HNF1B: variants seen among roughly 807,000 people sequenced by gnomAD.
The protein encoded by HNF1B is HNF1 homeobox B.
HNF1B carries 8 observed loss-of-function variants against 61.7 expected under a neutral mutation model. The observed-to-expected ratio is 0.13, with a 90% CI of 0.08 to 0.23. The LOEUF is 0.23. Ranked by LOEUF, HNF1B falls within the 10% of genes least tolerant of loss-of-function variation. The pLI, the probability that HNF1B is intolerant of heterozygous loss-of-function variation, is 1.00. For synonymous variants in HNF1B, 314 were observed against 287.7 expected (o/e 1.09, Z -0.93); for missense variants, 562 against 714.5 (o/e 0.79, Z 2.43).
intron 4 of HNF1B, among the ~76,000 whole-genome samples, chr17:37,725,245 C>T (rs960663006): frequency 1.8e-4 from 27 of 152,200 alleles, no homozygotes; most frequent in African/African-American, 4.6e-4. Flanking sequence ...TCACTGGAGG[C>T]GGCAAGGAGT....
chr17:37,732,373 G>A (rs1236284788), intron 3 of HNF1B, among the ~76,000 whole-genome samples: 2 of 152,216 alleles, frequency 1.3e-5, no homozygotes, highest in Non-Finnish European at 2.9e-5. Flanking sequence ...CTTTATCAGG[G>A]CTGGTGAAAC....
Position 37,745,006 on chromosome 17 carries a change from C to T in HNF1B, c.-122G>A. The T allele has an allele frequency of 1.2e-6, 1 of 814,936 alleles. No individual in the cohort carries two copies. The highest frequency in any genetic ancestry group is 2.0e-6 in the Non-Finnish European group (1 of 511,678). The allele number at this position is 814,936 out of a possible 1,614,324, so 50.5% of individuals were successfully genotyped here. On this transcript the variant is annotated 5_prime_UTR_variant, in exon 1 of 9. The change creates a new upstream start codon in the 5' untranslated region. Transcript: ENST00000617811. ...CCCTCCACCCTTCAGCCTCCAGACACCTGTTACTCCCCGGGGTCCCGGAGG... is the reference window on the plus strand; with the variant it reads ...CCCTCCACCCTTCAGCCTCCAGACATCTGTTACTCCCCGGGGTCCCGGAGG...
chr17:37,694,053 C>T (rs1030282304), intron 8 of HNF1B, among the ~76,000 whole-genome samples: 4 of 152,312 alleles, frequency 2.6e-5, no homozygotes, highest in Middle Eastern at 3.4e-3. Context: ...TTTAAGTTAC[C>T]CAGCCTCAGG....
In HNF1B at chr17:37,707,467, C is replaced by G. The variant is rs544418208; in HGVS notation, c.1207-2418G>C. On this transcript the variant is annotated intron_variant, in intron 5 of 8. Coordinates refer to ENST00000617811, the MANE Select transcript of HNF1B (RefSeq NM_000458.4). Reference sequence around the variant, plus strand: ...GGACTGATGGAAGCTAGGGCACTGCCAAGGGTATCAGTGGTGATCCTTACA... The same window carrying G: ...GGACTGATGGAAGCTAGGGCACTGCGAAGGGTATCAGTGGTGATCCTTACA... Among the ~76,000 whole-genome samples the G allele has an allele frequency of 3.9e-5, 6 of 152,286 alleles. No individual in the cohort carries two copies. The East Asian group carries it at 1.2e-3, about 29-fold the overall frequency.
chr17:37,741,967 C>T (rs956365700), intron 1 of HNF1B, among the ~76,000 whole-genome samples: 1 of 152,196 alleles, frequency 6.6e-6, no homozygotes, highest in Non-Finnish European at 1.5e-5. Context: ...GTGTGTTCAC[C>T]GGGAAGAGCC....
chr17:37,687,982 G>A (rs994886652), intron 8 of HNF1B, among the ~76,000 whole-genome samples: 3 of 152,188 alleles, frequency 2.0e-5, no homozygotes, highest in African/African-American at 7.2e-5. Context: ...GAAAGCACAC[G>A]AGAAAATGAC....
At chr17:37,715,262 T>G (rs762544745) in intron 4 of HNF1B, among the ~76,000 whole-genome samples, 6 of 152,174 alleles carry the variant, frequency 3.9e-5, no homozygotes, top group Non-Finnish European at 1.5e-5. Context: ...TCTTTACTTG[T>G]TGCATCCTTA....
Position 37,744,559 on chromosome 17 carries a change from T to C in HNF1B, c.326A>G (p.Glu109Gly). The C allele has an allele frequency of 1.9e-6, 3 of 1,603,836 alleles. No individual in the cohort carries two copies. The highest frequency in any genetic ancestry group is 2.5e-6 in the Non-Finnish European group (3 of 1,179,854). The change falls in exon 1 of 9, where the codon GAG (glutamate) becomes GGG (glycine). Residue 109 changes from glutamate (E) to glycine (G), a missense_variant. This residue lies in a region of HNF1B where 148 missense variants were observed against 147.3 expected (regional missense o/e 1.00). Transcript: ENST00000617811. ...NTEEAAEQRA[E>G]VDRMLSEDPW... The stretch of plus-strand genomic sequence containing the variant: ...CGCCTACCTGAGCATCCGGTCCACC[T>C]CCGCCCGCTGCTCCGCCGCCTCCTC...
intron 8 of HNF1B, among the ~76,000 whole-genome samples, chr17:37,688,428 C>T (rs2032063990): frequency 6.6e-6 from 1 of 150,960 alleles, no homozygotes; most frequent in East Asian, 1.9e-4. Context: ...CACACTTACA[C>T]CTACCAATAC....
At chr17:37,708,540 G>C (rs1036482465) in intron 5 of HNF1B, among the ~76,000 whole-genome samples, 1 of 152,294 alleles carries the variant, frequency 6.6e-6, no homozygotes. Context: ...GGACCTTCAA[G>C]CAGTAAGAGC....
chr17:37,742,634 C>G (rs1173403180), intron 1 of HNF1B, among the ~76,000 whole-genome samples: 1 of 152,204 alleles, frequency 6.6e-6, no homozygotes, highest in Non-Finnish European at 1.5e-5. Context: ...GTCTCCAACT[C>G]GGCGAGGGTC....
intron 2 of HNF1B, among the ~76,000 whole-genome samples, chr17:37,738,069 T>C (rs1323058403): frequency 6.6e-6 from 1 of 152,170 alleles, no homozygotes; most frequent in Non-Finnish European, 1.5e-5. Context: ...AAAGCTTAAA[T>C]TGGGCAGGGC....
intron 5 of HNF1B, among the ~76,000 whole-genome samples, chr17:37,709,189 GTGT>G (rs1466735095): frequency 6.6e-6 from 1 of 152,176 alleles, no homozygotes; most frequent in African/African-American, 2.4e-5. Context: ...TCCTGCACTT[GTGT>G]TGCTACAGGA....
intron 4 of HNF1B, among the ~76,000 whole-genome samples, chr17:37,712,254 G>A (rs753504479): frequency 1.4e-4 from 22 of 152,160 alleles, no homozygotes; most frequent in Non-Finnish European, 2.5e-4. Flanking sequence ...GTGGGATGGC[G>A]CTGGCATTGG....
At chr17:37,713,558 T>C (rs1003783681) in intron 4 of HNF1B, among the ~76,000 whole-genome samples, 1 of 152,238 alleles carries the variant, frequency 6.6e-6, no homozygotes, top group Non-Finnish European at 1.5e-5. Flanking sequence ...AAAAGACAGA[T>C]GAGCCTAGAC....
At chr17:37,693,207 A>C (rs2032267762) in intron 8 of HNF1B, among the ~76,000 whole-genome samples, 1 of 150,098 alleles carries the variant, frequency 6.7e-6, no homozygotes, top group Admixed American at 6.6e-5. Flanking sequence ...AAAAAAAAAA[A>C]AAAAAAGAGT....
At chr17:37,720,515 A>G (rs2033276003) in intron 4 of HNF1B, among the ~76,000 whole-genome samples, 1 of 151,812 alleles carries the variant, frequency 6.6e-6, no homozygotes, top group Non-Finnish European at 1.5e-5. Context: ...ATACATATAT[A>G]TATAATTATA....
chr17:37,686,669 T>G lies in HNF1B; in HGVS notation c.*703A>C, dbSNP rs2031979264. 1 of 162,692 alleles carries G rather than the reference T, an allele frequency of 6.1e-6. No individual in the cohort carries two copies. Among genetic ancestry groups the G allele is most frequent in the South Asian group, 1.5e-4 (1 of 6,482 alleles). The allele number at this position is 162,692 out of a possible 1,614,324, so 10.1% of individuals were successfully genotyped here. On this transcript the variant is annotated 3_prime_UTR_variant, in exon 9 of 9. Coordinates refer to ENST00000617811, the MANE Select transcript of HNF1B (RefSeq NM_000458.4). ...CTGGTAGTCAGTCCAAGGTATGCTG[T>G]CCCCATAAGTGTCCAGGCCCGCGGG...
intron 4 of HNF1B, among the ~76,000 whole-genome samples, chr17:37,714,249 T>C (rs1019672410): frequency 2.6e-5 from 4 of 152,240 alleles, no homozygotes; most frequent in Admixed American, 2.0e-4. Flanking sequence ...TTTGGCACTG[T>C]CCTTGTTTAA....
Sources: allele counts gnomAD v4.1 joint callset (sites outside exome capture counted in the v4.1 genomes callset), GRCh38; gene constraint gnomAD v4.1.1; regional missense constraint gnomAD v4.1.1; transcripts MANE v1.5; gene names NCBI Gene and HGNC (gene_info 2026-07-23, HGNC 2026-07-21).